Variants in AKAP6 observed in about 807,000 individuals in gnomAD.
AKAP6 encodes A-kinase anchor protein 6.
Under a neutral mutation model 188.5 loss-of-function variants are expected in AKAP6, and 58 were observed. That is an observed-to-expected ratio of 0.31 (90% CI 0.25 to 0.38). The LOEUF (loss-of-function observed/expected upper bound fraction) is 0.38, where lower values mean the gene tolerates loss of function less well. Ranked by LOEUF, AKAP6 falls within the 10% of genes least tolerant of loss-of-function variation. The pLI is 1.00. For missense variants in AKAP6, 2,710 were observed against 2,740.0 expected (o/e 0.99, Z 0.24); for synonymous variants, 989 against 998.6 (o/e 0.99, Z 0.18).
In AKAP6 at chr14:32,832,253, C is replaced by G. The variant is rs2034828220; in HGVS notation, c.*2448C>G. The G allele has an allele frequency of 6.6e-6, 1 of 151,886 alleles. No individual in the cohort carries two copies. The highest frequency in any genetic ancestry group is 1.5e-5 in the Non-Finnish European group (1 of 67,994). 9.4% of individuals were successfully genotyped at this position (151,886 alleles called of 1,614,324 possible). A position where few individuals can be genotyped will look rare whatever the true frequency, so the allele number is the denominator to read the frequency against. On this transcript the variant is annotated 3_prime_UTR_variant, in exon 14 of 14. Coordinates refer to ENST00000280979, the MANE Select transcript of AKAP6 (RefSeq NM_004274.5). The stretch of plus-strand genomic sequence containing the variant: ...CCCAGGATGTAGTGAAAGAACAAAT[C>G]CTAGAGTCTTTGAAATTTCTAAGGG...
intron 9 of AKAP6, among the ~76,000 whole-genome samples, chr14:32,727,934 A>G (rs148180563): frequency 6.6e-6 from 1 of 152,332 alleles, no homozygotes; most frequent in African/African-American, 2.4e-5. Flanking sequence ...GCAGCATCAT[A>G]TGCGTTATGA....
At chr14:32,349,572 G>A (rs1887192357) in intron 1 of AKAP6, among the ~76,000 whole-genome samples, 1 of 152,096 alleles carries the variant, frequency 6.6e-6, no homozygotes, top group Admixed American at 6.6e-5. Context: ...ATTAGCAGCT[G>A]GAAATTCCAA....
chr14:32,688,693 A>G (rs1404770508), intron 8 of AKAP6, among the ~76,000 whole-genome samples: 1 of 152,158 alleles, frequency 6.6e-6, no homozygotes, highest in Non-Finnish European at 1.5e-5. Flanking sequence ...ACACCCGTGC[A>G]AGAGAAGTCA....
At position 32,775,580 on chromosome 14, in the gene AKAP6, G is replaced by A. The variant is rs114242519; in HGVS notation, c.3588+1687G>A. ...CTCAAGTAGCTAGGACTACAGGCATGTGTCAGCATGTCTGCCTAATTTTTA... is the reference window on the plus strand; with the variant it reads ...CTCAAGTAGCTAGGACTACAGGCATATGTCAGCATGTCTGCCTAATTTTTA... On this transcript the variant is annotated intron_variant, in intron 12 of 13. Transcript: ENST00000280979. 8.2e-3 allele frequency among the ~76,000 whole-genome samples: 1,241 copies of A among 152,104 alleles called. 13 individuals carry two copies. Among genetic ancestry groups the A allele is most frequent in the African/African-American group, 0.028 (1,161 of 41,496 alleles).
chr14:32,606,608 C>G (rs1166511067), intron 7 of AKAP6, among the ~76,000 whole-genome samples: 2 of 152,126 alleles, frequency 1.3e-5, no homozygotes, highest in Non-Finnish European at 2.9e-5. Context: ...ATTGTAAATT[C>G]AGAAAACTTT....
At chr14:32,659,826 A>C (rs953645885) in intron 7 of AKAP6, among the ~76,000 whole-genome samples, 6 of 152,174 alleles carry the variant, frequency 3.9e-5, no homozygotes, top group African/African-American at 1.2e-4. Flanking sequence ...GTGCCTTGGC[A>C]GACTTTGACT....
intron 9 of AKAP6, among the ~76,000 whole-genome samples, chr14:32,712,417 G>A (rs1217456795): frequency 6.6e-6 from 1 of 151,976 alleles, no homozygotes; most frequent in African/African-American, 2.4e-5. Context: ...ATAAGGCAAT[G>A]AAGTTTGCCA....
chr14:32,345,028 G>T (rs992642479), intron 1 of AKAP6, among the ~76,000 whole-genome samples: 1 of 151,952 alleles, frequency 6.6e-6, no homozygotes, highest in African/African-American at 2.4e-5. Flanking sequence ...ATTTGGAAGG[G>T]CATGTCAAAA....
rs80291459 is a variant in AKAP6 at position 32,605,631 on chromosome 14, A to G, written c.2730+4839A>G. 1.1e-3 allele frequency among the ~76,000 whole-genome samples: 168 copies of G among 152,322 alleles called. 5 individuals carry two copies. In the East Asian group the frequency reaches 0.026, roughly 24 times the overall value. ...TATTGCAATAAATCGAGCAAGCTTA[A>G]ATAGGTTACCCTGAAGTTCTCCATG... On this transcript the variant is annotated intron_variant, in intron 7 of 13. Coordinates refer to ENST00000280979, the MANE Select transcript of AKAP6 (RefSeq NM_004274.5).
intron 12 of AKAP6, among the ~76,000 whole-genome samples, chr14:32,817,481 G>T (rs879751644): frequency 0.021 from 2,744 of 130,706 alleles, 34 homozygotes; most frequent in Non-Finnish European, 0.033. Flanking sequence ...GTGTGTGTGT[G>T]TGTCTGTGTT....
At chr14:32,400,036 T>C (rs1889031834) in intron 1 of AKAP6, among the ~76,000 whole-genome samples, 1 of 152,108 alleles carries the variant, frequency 6.6e-6, no homozygotes, top group Non-Finnish European at 1.5e-5. Flanking sequence ...ACCTCAGCAA[T>C]GACATCTGGG....
At chr14:32,687,413 TCTC>T (rs1566647251) in intron 8 of AKAP6, among the ~76,000 whole-genome samples, 10 of 138,358 alleles carry the variant, frequency 7.2e-5, no homozygotes, top group Admixed American at 2.8e-4. Context: ...TCTCTCTCTC[TCTC>T]TCTCTCTCTC....
chr14:32,423,081 G>A (rs1889905613), intron 1 of AKAP6, among the ~76,000 whole-genome samples: 1 of 152,108 alleles, frequency 6.6e-6, no homozygotes. Context: ...AGTAGTGTTA[G>A]TAGGGTTTCT....
chr14:32,330,546 G>A (rs1737767513), intron 1 of AKAP6, among the ~76,000 whole-genome samples: 1 of 151,800 alleles, frequency 6.6e-6, no homozygotes, highest in South Asian at 2.1e-4. Context: ...TTAGAATCAG[G>A]GAGTGGTCTT....
chr14:32,522,268 A>G (rs1262823226), intron 2 of AKAP6, among the ~76,000 whole-genome samples: 1 of 152,264 alleles, frequency 6.6e-6, no homozygotes, highest in Non-Finnish European at 1.5e-5. Flanking sequence ...CATTCAGGAC[A>G]TAGGCATGGG....
chr14:32,374,887 A>G lies in AKAP6; in HGVS notation c.-35+45479A>G, dbSNP rs543558587. Among the ~76,000 whole-genome samples, 18 of 152,298 alleles carry G rather than the reference A, an allele frequency of 1.2e-4. 2 individuals carry two copies. The South Asian group carries it at 3.5e-3, about 30-fold the overall frequency. ...TACTTCAGCATGACTATCATTAACTAGTGTTCATTGTTTGTTTAAGGTATT... is the reference window on the plus strand; with the variant it reads ...TACTTCAGCATGACTATCATTAACTGGTGTTCATTGTTTGTTTAAGGTATT... On this transcript the variant is annotated intron_variant, in intron 1 of 13. Coordinates refer to ENST00000280979, the MANE Select transcript of AKAP6 (RefSeq NM_004274.5).
At chr14:32,609,879 TGACA>T (rs1566602935) in intron 7 of AKAP6, among the ~76,000 whole-genome samples, 3 of 84,690 alleles carry the variant, frequency 3.5e-5, no homozygotes, top group Admixed American at 1.3e-4. Flanking sequence ...TCTCTCTCTC[TGACA>T]CACACACACA....
At chr14:32,554,481 A>G (rs1030450473) in intron 4 of AKAP6, among the ~76,000 whole-genome samples, 4 of 152,214 alleles carry the variant, frequency 2.6e-5, no homozygotes, top group African/African-American at 9.7e-5. Flanking sequence ...TGACTTGCTC[A>G]GGGTCATAAT....
At position 32,773,717 on chromosome 14, in the gene AKAP6, G is replaced by A; in HGVS notation, c.3412G>A (p.Ala1138Thr). ...AATCAAGCAACGACGTCGAGGAGTT[G>A]CCTCCATTCTGCGACTATGCCAGCA... ...REIKQRRRGV[A>T]SILRLCQHLL... Residue 1138 changes from alanine to threonine, a missense_variant, in exon 12 of 14, where the codon GCC becomes ACC. Coordinates refer to ENST00000280979, the MANE Select transcript of AKAP6 (RefSeq NM_004274.5). 2 of 1,613,978 alleles carry A rather than the reference G, an allele frequency of 1.2e-6. No individual in the cohort carries two copies. Among genetic ancestry groups the A allele is most frequent in the Non-Finnish European group, 8.5e-7 (1 of 1,180,000 alleles).
Sources: gnomAD v4.1 joint callset for allele counts (sites outside exome capture counted in the v4.1 genomes callset) on GRCh38, gnomAD v4.1.1 for gene constraint, MANE v1.5 for transcripts, NCBI Gene and HGNC (gene_info 2026-07-23, HGNC 2026-07-21) for gene names.